The following TRIM24 variants were observed in gnomAD, a reference collection of about 807,000 sequenced individuals.
TRIM24 encodes the protein transcription intermediary factor 1-alpha.
TRIM24 carries 29 observed loss-of-function variants against 123.9 expected under a neutral mutation model. The ratio of observed to expected loss-of-function variants is 0.23; its 90% CI spans 0.17 to 0.32. The LOEUF is 0.32. TRIM24 is among the 10% of genes least tolerant of loss of function. The pLI is 1.00. For synonymous variants in TRIM24, 456 were observed against 461.1 expected (o/e 0.99, Z 0.14); for missense variants, 932 against 1,295.3 (o/e 0.72, Z 4.31).
intron 1 of TRIM24, among the ~76,000 whole-genome samples, chr7:138,476,592 CAAAAA>C (rs60613094): frequency 1.9e-5 from 2 of 107,874 alleles, no homozygotes. Flanking sequence ...GGCTCCGTCT[CAAAAA>C]AAAAAAAAAA....
At position 138,534,881 on chromosome 7, in the gene TRIM24, T is replaced by G. The variant is rs185945793; in HGVS notation, c.997-3776T>G. On this transcript the variant is annotated intron_variant, in intron 6 of 18. Coordinates refer to ENST00000343526, the MANE Select transcript of TRIM24 (RefSeq NM_015905.3). ...CTTTGTAGGTCTCTAAGGACTTGCT[T>G]TATGAATCTGGGTGCTCCTGTATTG... Among the ~76,000 whole-genome samples the G allele has an allele frequency of 4.6e-5, 7 of 152,330 alleles. No homozygotes were observed. The East Asian group carries it at 1.2e-3, about 25-fold the overall frequency.
intron 9 of TRIM24, among the ~76,000 whole-genome samples, chr7:138,565,176 T>C (rs1387333565): frequency 5.3e-5 from 8 of 152,060 alleles, no homozygotes; most frequent in African/African-American, 1.9e-4. Flanking sequence ...TCACATGCAC[T>C]CACACACTTC....
intron 12 of TRIM24, 77 bp from the exon 13 acceptor site, chr7:138,576,296 T>TA (rs1797757075): frequency 7.5e-7 from 1 of 1,326,028 alleles, no homozygotes; most frequent in African/African-American, 1.4e-5. Flanking sequence ...AATGTAGTGC[T>TA]AAGTGAACAC....
intron 14 of TRIM24, among the ~76,000 whole-genome samples, chr7:138,577,894 A>G (rs1011644414): frequency 2.0e-5 from 3 of 152,166 alleles, no homozygotes; most frequent in Non-Finnish European, 2.9e-5. Context: ...TTTTCGTGCA[A>G]GTTCTCAAAA....
intron 1 of TRIM24, among the ~76,000 whole-genome samples, chr7:138,499,546 A>G (rs927038492): frequency 1.3e-5 from 2 of 152,190 alleles, no homozygotes; most frequent in Non-Finnish European, 2.9e-5. Flanking sequence ...CCAGGAAAGA[A>G]GGTTTATGTC....
chr7:138,568,594 C>A (rs2116665793), intron 10 of TRIM24, among the ~76,000 whole-genome samples: 1 of 151,782 alleles, frequency 6.6e-6, no homozygotes, highest in African/African-American at 2.4e-5. Context: ...ACCATGTTGG[C>A]CAGGCTAGTC....
At chr7:138,467,327 G>GTGTTTTGTTTTGTTT (rs751705080) in intron 1 of TRIM24, among the ~76,000 whole-genome samples, 81 of 128,706 alleles carry the variant, frequency 6.3e-4, no homozygotes, top group African/African-American at 2.4e-3. Context: ...AAGGGGGAAT[G>GTGTTTTGTTTTGTTT]TGTTTTGTTT....
chr7:138,477,632 A>C (rs1795432544), intron 1 of TRIM24, among the ~76,000 whole-genome samples: 1 of 152,202 alleles, frequency 6.6e-6, no homozygotes, highest in African/African-American at 2.4e-5. Flanking sequence ...TATTGTAAGC[A>C]CAAAAAAACT....
At chr7:138,569,881 G>A (rs183813851) in intron 10 of TRIM24, among the ~76,000 whole-genome samples, 2 of 151,240 alleles carry the variant, frequency 1.3e-5, no homozygotes, top group Admixed American at 1.3e-4. Context: ...ATTATATAGG[G>A]AACATTTTGT....
intron 1 of TRIM24, among the ~76,000 whole-genome samples, chr7:138,463,121 C>G (rs950676731): frequency 1.4e-5 from 2 of 144,114 alleles, no homozygotes; most frequent in African/African-American, 2.6e-5. Context: ...AACTCCCGAC[C>G]TCAGGTGATC....
chr7:138,475,740 G>C (rs1292332932), intron 1 of TRIM24, among the ~76,000 whole-genome samples: 2 of 152,248 alleles, frequency 1.3e-5, no homozygotes, highest in Admixed American at 1.3e-4. Flanking sequence ...CGAACACCTG[G>C]CCTCAGTGAT....
chr7:138,515,051 TG>T (rs1035352091), intron 2 of TRIM24, among the ~76,000 whole-genome samples, 160 bp from the exon 3 acceptor site: 2 of 152,252 alleles, frequency 1.3e-5, no homozygotes, highest in African/African-American at 4.8e-5. Flanking sequence ...TCATTTCTTA[TG>T]TGTATAATGT....
chr7:138,519,430 CAGCACTATGCTGG>C, intron 4 of TRIM24, 109 bp downstream of exon 4: 1 of 1,273,050 alleles, frequency 7.9e-7, no homozygotes. Context: ...TTTGTTTGGC[CAGCACTATGCTGG>C]CCTGTACTGG....
chr7:138,510,948 A>G (rs913589065), intron 2 of TRIM24, among the ~76,000 whole-genome samples: 1 of 152,042 alleles, frequency 6.6e-6, no homozygotes, highest in Admixed American at 6.6e-5. Context: ...TTTCTTCCCA[A>G]CCTCATAGGT....
Position 138,585,017 on chromosome 7 carries a change from A to G in TRIM24, c.*66A>G. The G allele has an allele frequency of 7.4e-7, 1 of 1,354,362 alleles. No homozygotes were observed. Among genetic ancestry groups the G allele is most frequent in the Non-Finnish European group, 1.0e-6 (1 of 983,096 alleles). The allele number at this position is 1,354,362 out of a possible 1,614,324, so 83.9% of individuals were successfully genotyped here. On this transcript the variant is annotated 3_prime_UTR_variant, in exon 19 of 19. Transcript: ENST00000343526. ...TGTTTTCAAAAAAACATTTGTCAGTAATTTAACATCACTACAAAAAGAAGA... is the reference window on the plus strand; with the variant it reads ...TGTTTTCAAAAAAACATTTGTCAGTGATTTAACATCACTACAAAAAGAAGA...
At chr7:138,467,535 G>T (rs779007583) in intron 1 of TRIM24, among the ~76,000 whole-genome samples, 3 of 152,092 alleles carry the variant, frequency 2.0e-5, no homozygotes, top group African/African-American at 4.8e-5. Context: ...TAGAGACGGG[G>T]TTTCACCATG....
intron 16 of TRIM24, 71 bp downstream of exon 16, chr7:138,580,765 G>T (rs1797876947): frequency 7.1e-7 from 1 of 1,405,808 alleles, no homozygotes. Context: ...TGTCAAAGAG[G>T]TGTATATCCA....
chr7:138,525,208 TTTTTA>T, intron 4 of TRIM24, 28 bp from the exon 5 acceptor site: 1 of 1,058,310 alleles, frequency 9.4e-7, no homozygotes, highest in Non-Finnish European at 1.3e-6. Context: ...TCATTGTATA[TTTTTA>T]TATGAAATAA....
intron 6 of TRIM24, among the ~76,000 whole-genome samples, chr7:138,536,894 C>T (rs558526649): frequency 1.3e-5 from 2 of 152,342 alleles, no homozygotes; most frequent in African/African-American, 4.8e-5. Context: ...CTTTGTTTAC[C>T]TACTCAAGCC....
Sources: gnomAD v4.1 joint callset for allele counts (sites outside exome capture counted in the v4.1 genomes callset) on GRCh38, gnomAD v4.1.1 for gene constraint, MANE v1.5 for transcripts, NCBI Gene and HGNC (gene_info 2026-07-23, HGNC 2026-07-21) for gene names.